Variants in DHX30 observed in about 807,000 individuals in gnomAD.
The protein encoded by DHX30 is DExH-box helicase 30, also known as ATP-dependent RNA helicase DHX30.
Under a neutral mutation model 116.9 loss-of-function variants are expected in DHX30, and 4 were observed. The ratio of observed to expected loss-of-function variants is 0.03; its 90% CI spans 0.02 to 0.08. The LOEUF (loss-of-function observed/expected upper bound fraction) is 0.08, where lower values mean the gene tolerates loss of function less well. DHX30 is among the 10% of genes least tolerant of loss of function. The probability of loss-of-function intolerance (pLI) is 1.00; values close to 1 mark genes in which losing one functional copy is unlikely to be tolerated. For missense variants in DHX30, 871 were observed against 1,595.1 expected, an observed-to-expected ratio of 0.55 and a Z score of 7.73; for synonymous variants, 697 against 651.7, an observed-to-expected ratio of 1.07 and a Z score of -1.06.
In DHX30 at chr3:47,847,342, G is replaced by A. The variant is rs753445599; in HGVS notation, c.1999G>A (p.Glu667Lys). The A allele has an allele frequency of 1.2e-6, 2 of 1,614,114 alleles. No individual in the cohort carries two copies. Among genetic ancestry groups the A allele is most frequent in the East Asian group, 2.2e-5 (1 of 44,900 alleles). ...DLVLHIDARG[E>K]PGGILCFLPG... The stretch of plus-strand genomic sequence containing the variant: ...GGTTCTGCACATCGATGCTCGCGGG[G>A]AACCAGGTGGGTGCCTCCCCATCTG... The change falls in exon 12 of 22, where the codon GAA becomes AAA. Residue 667 changes from glutamate (E) to lysine (K), a missense_variant. Coordinates refer to ENST00000445061, the MANE Select transcript of DHX30 (RefSeq NM_138615.3). This position sits in a 1 kb window ranked among gnomAD's most constrained non-coding sequence, Gnocchi z 5.5.
intron 1 of DHX30, among the ~76,000 whole-genome samples, 199 bp downstream of exon 1, chr3:47,803,411 AGGCCTCGGCCT>A: frequency 6.6e-6 from 1 of 151,964 alleles, no homozygotes; most frequent in Non-Finnish European, 1.5e-5. Flanking sequence ...GTGGGCAGCC[AGGCCTCGGCCT>A]GCCGTTGCCA....
At chr3:47,841,359 T>C (rs1055518180) in intron 7 of DHX30, among the ~76,000 whole-genome samples, 181 bp downstream of exon 7, 6 of 152,260 alleles carry the variant, frequency 3.9e-5, no homozygotes, top group Non-Finnish European at 7.3e-5. Context: ...TGGTCTTCTA[T>C]GTGGCTGGGC....
At chr3:47,806,978 C>T (rs1422223818) in intron 2 of DHX30, among the ~76,000 whole-genome samples, 1 of 151,290 alleles carries the variant, frequency 6.6e-6, no homozygotes, top group Non-Finnish European at 1.5e-5. Context: ...GAGGCTGAGG[C>T]GGGCGGATCA....
chr3:47,819,673 T>C (rs761773476), intron 4 of DHX30, among the ~76,000 whole-genome samples: 2 of 152,164 alleles, frequency 1.3e-5, no homozygotes, highest in Admixed American at 6.5e-5. Context: ...CTGGTGTTTA[T>C]ATAAGGAAAA....
chr3:47,841,301 C>A, intron 7 of DHX30, 123 bp downstream of exon 7: 1 of 1,382,812 alleles, frequency 7.2e-7, no homozygotes, highest in South Asian at 1.3e-5. Context: ...AGCCTGTGTG[C>A]CCCATCACTC....
intron 4 of DHX30, chr3:47,824,901 C>T (rs1463641847): frequency 2.1e-6 from 1 of 476,560 alleles, no homozygotes; most frequent in Non-Finnish European, 3.7e-6. Context: ...TGAGCGAGGA[C>T]GGGCTGCTGA....
intron 3 of DHX30, among the ~76,000 whole-genome samples, chr3:47,812,707 A>C (rs1282915213): frequency 7.1e-6 from 1 of 141,614 alleles, no homozygotes; most frequent in Non-Finnish European, 1.5e-5. Context: ...GTTGTTGCCC[A>C]GGCTGGAGTG....
intron 6 of DHX30, among the ~76,000 whole-genome samples, chr3:47,832,940 CTTTT>C (rs752858732): frequency 2.5e-5 from 3 of 118,720 alleles, no homozygotes; most frequent in South Asian, 2.8e-4. Context: ...TGCCTGGCCT[CTTTT>C]TTTTTTTTTT....
At chr3:47,809,517 T>G (rs1478040973) in intron 2 of DHX30, among the ~76,000 whole-genome samples, 1 of 152,160 alleles carries the variant, frequency 6.6e-6, no homozygotes, top group Non-Finnish European at 1.5e-5. Context: ...GTGCTGGGAT[T>G]ACAGGCGTGA....
At chr3:47,820,235 A>G (rs1463303772) in intron 4 of DHX30, among the ~76,000 whole-genome samples, 2 of 152,030 alleles carry the variant, frequency 1.3e-5, no homozygotes, top group Non-Finnish European at 2.9e-5. Flanking sequence ...AATTGCTTGA[A>G]CGCAGGAGGC....
rs1033058641 is a variant in DHX30 at position 47,849,089 on chromosome 3, G to A, written c.2929+10G>A. The A allele has an allele frequency of 1.9e-6, 3 of 1,609,878 alleles. No individual in the cohort carries two copies. The South Asian group carries it at 3.3e-5, about 18-fold the overall frequency. ...CTGCGCTTCATCCACGGTCAGTCGG[G>A]CCCACACCTGCTCTCCTGAGCCCCT... On this transcript the variant is annotated intron_variant, in intron 18 of 21. Transcript: ENST00000445061.
At position 47,829,147 on chromosome 3, in the gene DHX30, C is replaced by T. The variant is rs2036688866; in HGVS notation, c.366+13C>T. 3 of 1,453,150 alleles carry T rather than the reference C, an allele frequency of 2.1e-6. No individual in the cohort carries two copies. The highest frequency in any genetic ancestry group is 1.4e-5 in the African/African-American group (1 of 69,774). 90.0% of individuals were successfully genotyped at this position (1,453,150 alleles called of 1,614,324 possible). On this transcript the variant is annotated intron_variant, in intron 6 of 21. Transcript: ENST00000445061. ...CCAGCTGTTCAAGGTGACCCTTCCT[C>T]AGTGAAAGCCACTGAGACCTTCCTC...
chr3:47,824,408 C>T (rs999356953), intron 4 of DHX30, among the ~76,000 whole-genome samples: 1 of 152,166 alleles, frequency 6.6e-6, no homozygotes, highest in Non-Finnish European at 1.5e-5. Context: ...GGGATTAAAT[C>T]TGTTTCCTGA....
At chr3:47,814,864 T>A (rs1196131967) in intron 3 of DHX30, among the ~76,000 whole-genome samples, 1 of 151,936 alleles carries the variant, frequency 6.6e-6, no homozygotes, top group Non-Finnish European at 1.5e-5. Context: ...TGTATTTTTT[T>A]AAGAAATAAA....
At chr3:47,822,194 C>G (rs2036327094) in intron 4 of DHX30, 1 of 152,158 alleles carries the variant, frequency 6.6e-6, no homozygotes, top group Admixed American at 6.5e-5. Context: ...CCAAGAGCTG[C>G]TGTAAAGAGT....
chr3:47,849,218 A>G lies in DHX30; in HGVS notation c.2956A>G (p.Ile986Val), dbSNP rs781405023. 15 of 1,614,038 alleles carry G rather than the reference A, an allele frequency of 9.3e-6. No individual in the cohort carries two copies. The highest frequency in any genetic ancestry group is 2.2e-5 in the South Asian group (2 of 91,082). ...ACTCATCAAGCAGTTCTCAGAGAAC[A>G]TTTATGAGGCCTTCCTGGTGGGGAA... ...HGLIKQFSEN[I>V]YEAFLVGKPS... The change falls in exon 19 of 22, where the codon ATT becomes GTT. Residue 986 changes from isoleucine to valine, a missense_variant. Around this residue, in one of 13 missense-constraint regions of DHX30, gnomAD observed 238 missense variants for 481.0 expected, o/e 0.49. Transcript: ENST00000445061.
rs1227423432 is a variant in DHX30 at position 47,846,511 on chromosome 3, G to A, written c.1439G>A (p.Arg480Gln). 6 of 1,613,900 alleles carry A rather than the reference G, an allele frequency of 3.7e-6. No individual in the cohort carries two copies. The Admixed American group carries it at 5.0e-5, about 13-fold the overall frequency. Residue 480 changes from arginine to glutamine, a missense_variant, in exon 11 of 22, where the codon CGA becomes CAA. By Grantham distance (43) the Arg-to-Gln change is conservative (BLOSUM62 1). This residue lies in a region of DHX30 where 63 missense variants were observed against 180.6 expected (regional missense o/e 0.35). Coordinates refer to ENST00000445061, the MANE Select transcript of DHX30 (RefSeq NM_138615.3). Reference sequence around the variant, plus strand: ...CTGGAGCGCTATGTGACCGAGGGCCGAGGTGCCCGCTGCAATGTTATCATC... The same window carrying A: ...CTGGAGCGCTATGTGACCGAGGGCCAAGGTGCCCGCTGCAATGTTATCATC... Reference protein sequence around the residue: ...LLLERYVTEGRGARCNVIITQ... With the variant: ...LLLERYVTEGQGARCNVIITQ...
intron 6 of DHX30, among the ~76,000 whole-genome samples, chr3:47,831,726 G>A (rs2036859903): frequency 6.8e-6 from 1 of 147,408 alleles, no homozygotes; most frequent in Non-Finnish European, 1.5e-5. Flanking sequence ...GCTGAGGCTG[G>A]TTTTGAACTC....
intron 1 of DHX30, 91 bp downstream of exon 1, chr3:47,803,303 G>C (rs1262271409): frequency 5.2e-6 from 2 of 387,270 alleles, no homozygotes; most frequent in Non-Finnish European, 4.6e-6. Flanking sequence ...GGCCCGGTCC[G>C]ACCGCCAGCC....
Sources: allele counts gnomAD v4.1 joint callset (sites outside exome capture counted in the v4.1 genomes callset), GRCh38; gene constraint gnomAD v4.1.1; regional missense constraint gnomAD v4.1.1; non-coding constraint Gnocchi (gnomAD v3.1); transcripts MANE v1.5; gene names NCBI Gene and HGNC (gene_info 2026-07-23, HGNC 2026-07-21).